Variants in MITF observed in about 807,000 individuals in gnomAD.
MITF encodes microphthalmia-associated transcription factor.
In MITF, 17 loss-of-function variants were observed where a neutral mutation model predicts 60.5. The ratio of observed to expected loss-of-function variants is 0.28; its 90% CI spans 0.19 to 0.42. The LOEUF is 0.42. MITF is among the 10% of genes least tolerant of loss of function. MITF has a pLI of 1.00. For missense variants in MITF, 622 were observed against 683.5 expected, an observed-to-expected ratio of 0.91 and a Z score of 1.00; for synonymous variants, 260 against 248.5, an observed-to-expected ratio of 1.05 and a Z score of -0.43.
chr3:69,878,550 C>T (rs35149441), intron 1 of MITF, among the ~76,000 whole-genome samples: 3 of 152,112 alleles, frequency 2.0e-5, no homozygotes, highest in Admixed American at 6.5e-5. Context: ...ACCCAAAGAG[C>T]GAGGTCGAGT....
At chr3:69,773,996 G>A (rs2062434453) in intron 1 of MITF, among the ~76,000 whole-genome samples, 1 of 152,170 alleles carries the variant, frequency 6.6e-6, no homozygotes, top group Admixed American at 6.5e-5. Flanking sequence ...TGTTGTTAAT[G>A]GAGGAGACAG....
At chr3:69,870,529 G>A (rs910243027) in intron 1 of MITF, among the ~76,000 whole-genome samples, 1 of 151,100 alleles carries the variant, frequency 6.6e-6, no homozygotes, top group Admixed American at 6.6e-5. Flanking sequence ...TCACCTCCTG[G>A]GTTCAAGTGA....
intron 2 of MITF, among the ~76,000 whole-genome samples, chr3:69,899,011 A>G (rs2064938732): frequency 6.6e-6 from 1 of 152,184 alleles, no homozygotes; most frequent in African/African-American, 2.4e-5. Context: ...CCACCACCCA[A>G]AAAGATGTAT....
intron 5 of MITF, 42 bp downstream of exon 5, chr3:69,941,373 T>G (rs768014143): frequency 1.5e-5 from 20 of 1,297,040 alleles, no homozygotes; most frequent in African/African-American, 1.5e-4. Flanking sequence ...TTGAGGTGTT[T>G]CCAGGGTTCT....
intron 9 of MITF, among the ~76,000 whole-genome samples, chr3:69,962,683 A>C (rs1020814398): frequency 2.0e-5 from 3 of 152,226 alleles, no homozygotes; most frequent in African/African-American, 7.2e-5. Flanking sequence ...CAGAATGCTT[A>C]TCAGGAATCA....
At chr3:69,915,836 G>C (rs1268494055) in intron 2 of MITF, among the ~76,000 whole-genome samples, 1 of 152,114 alleles carries the variant, frequency 6.6e-6, no homozygotes, top group Non-Finnish European at 1.5e-5. Flanking sequence ...TGTGGTCCCT[G>C]TTCCTTTTCC....
intron 1 of MITF, among the ~76,000 whole-genome samples, chr3:69,784,561 A>G (rs1178221148): frequency 1.3e-5 from 2 of 152,294 alleles, no homozygotes; most frequent in African/African-American, 4.8e-5. Context: ...TTAAAAACAC[A>G]AAGTTTTTAA....
chr3:69,940,250 T>A (rs2065938790), intron 4 of MITF, among the ~76,000 whole-genome samples: 2 of 152,150 alleles, frequency 1.3e-5, no homozygotes, highest in Admixed American at 1.3e-4. Flanking sequence ...AACCTATGAA[T>A]TTTGGATTCT....
chr3:69,959,026 T>A (rs1380646319), intron 8 of MITF, among the ~76,000 whole-genome samples: 4 of 58,330 alleles, frequency 6.9e-5, no homozygotes, highest in African/African-American at 2.7e-4. Flanking sequence ...GGGGGTGGGA[T>A]GGGGGTGAGG....
At chr3:69,961,571 A>G (rs1576061369) in intron 9 of MITF, among the ~76,000 whole-genome samples, 1 of 148,700 alleles carries the variant, frequency 6.7e-6, no homozygotes, top group East Asian at 2.0e-4. Flanking sequence ...AAAGAAAAGA[A>G]AAGAAAAGAA....
At chr3:69,824,543 A>G (rs756391170) in intron 1 of MITF, among the ~76,000 whole-genome samples, 84 of 152,296 alleles carry the variant, frequency 5.5e-4, no homozygotes, top group Middle Eastern at 3.4e-3. Context: ...AGTCACAGGA[A>G]GAAGGGGTTT....
At chr3:69,879,510 C>T in intron 2 of MITF, 127 bp downstream of exon 2, 4 of 1,488,094 alleles carry the variant, frequency 2.7e-6, no homozygotes, top group Non-Finnish European at 3.7e-6. Flanking sequence ...AAAACTCCAA[C>T]TCCCTTAATT....
chr3:69,761,045 A>G (rs1054474512), intron 1 of MITF, among the ~76,000 whole-genome samples: 1 of 152,236 alleles, frequency 6.6e-6, no homozygotes, highest in African/African-American at 2.4e-5. Flanking sequence ...AACAATAATA[A>G]TAACAGTAGC....
chr3:69,920,755 G>A (rs536047026), intron 2 of MITF, among the ~76,000 whole-genome samples: 31 of 152,244 alleles, frequency 2.0e-4, no homozygotes, highest in African/African-American at 6.7e-4. Context: ...CGGTCTCCGC[G>A]CATTTGTGGT....
intron 1 of MITF, among the ~76,000 whole-genome samples, chr3:69,787,469 G>A (rs1394214996): frequency 2.0e-5 from 3 of 152,170 alleles, no homozygotes; most frequent in Non-Finnish European, 4.4e-5. Flanking sequence ...CTTGTTCCAA[G>A]TTCCTCTCTG....
intron 2 of MITF, chr3:69,936,658 A>T: frequency 6.8e-6 from 11 of 1,607,874 alleles, no homozygotes; most frequent in Non-Finnish European, 9.3e-6. Context: ...AATTGGAATT[A>T]TAGAAAGTAG....
intron 1 of MITF, among the ~76,000 whole-genome samples, chr3:69,860,396 G>A (rs1239788570): frequency 6.6e-6 from 1 of 152,052 alleles, no homozygotes; most frequent in Non-Finnish European, 1.5e-5. Flanking sequence ...CACGAGGTCG[G>A]GAGATCGAGA....
In MITF at chr3:69,791,694, G is replaced by A. The variant is rs141022403; in HGVS notation, c.104+51993G>A. Among the ~76,000 whole-genome samples the A allele has an allele frequency of 9.3e-4, 142 of 152,250 alleles. No homozygotes were observed. In the Middle Eastern group the frequency reaches 0.017, roughly 18 times the overall value. ...TTCTGTTGTTTTTCAAGATAGGGCT[G>A]GTGGCATCTAATGGCAAGTAGAGGC... On this transcript the variant is annotated intron_variant, in intron 1 of 9. Coordinates refer to ENST00000352241, the MANE Select transcript of MITF (RefSeq NM_001354604.2).
At chr3:69,769,808 A>G (rs2062365321) in intron 1 of MITF, 1 of 152,150 alleles carries the variant, frequency 6.6e-6, no homozygotes, top group South Asian at 2.1e-4. Context: ...CAATAATGCA[A>G]TTTCTGAATT....
Sources: allele counts gnomAD v4.1 joint callset (sites outside exome capture counted in the v4.1 genomes callset), GRCh38; gene constraint gnomAD v4.1.1; transcripts MANE v1.5; gene names NCBI Gene and HGNC (gene_info 2026-07-23, HGNC 2026-07-21).